EBF2: variants seen among roughly 807,000 people sequenced by gnomAD.
The protein encoded by EBF2 is transcription factor COE2.
Under a neutral mutation model 72.8 loss-of-function variants are expected in EBF2, and 21 were observed. That is an observed-to-expected ratio of 0.29 (90% CI 0.20 to 0.42). EBF2 has a LOEUF of 0.42. EBF2 is among the 10% of genes least tolerant of loss of function. EBF2 has a pLI of 1.00. For synonymous variants in EBF2, 299 were observed against 274.2 expected, an observed-to-expected ratio of 1.09 and a Z score of -0.89; for missense variants, 637 against 731.2, an observed-to-expected ratio of 0.87 and a Z score of 1.49.
intron 6 of EBF2, among the ~76,000 whole-genome samples, chr8:26,031,225 A>T (rs1315245479): frequency 6.6e-6 from 1 of 152,128 alleles, no homozygotes; most frequent in Non-Finnish European, 1.5e-5. Flanking sequence ...AGTGAGCTCA[A>T]TCCACAGGCC....
chr8:25,872,165 C>G (rs1442038101), intron 10 of EBF2, among the ~76,000 whole-genome samples: 1 of 152,148 alleles, frequency 6.6e-6, no homozygotes, highest in Non-Finnish European at 1.5e-5. Context: ...TTGTTAGAAC[C>G]CTGTTCAGCC....
At chr8:25,929,391 ATT>A (rs1356757257) in intron 6 of EBF2, among the ~76,000 whole-genome samples, 1 of 152,154 alleles carries the variant, frequency 6.6e-6, no homozygotes, top group Non-Finnish European at 1.5e-5. Flanking sequence ...TTCTGAAAAC[ATT>A]TTGTCAGGGT....
intron 10 of EBF2, among the ~76,000 whole-genome samples, chr8:25,870,050 C>A (rs1802406623): frequency 6.6e-6 from 1 of 152,082 alleles, no homozygotes; most frequent in Non-Finnish European, 1.5e-5. Context: ...GATGCAAGAG[C>A]ATGATGGGCA....
chr8:25,900,058 G>A (rs536831680), intron 7 of EBF2, among the ~76,000 whole-genome samples: 2 of 152,294 alleles, frequency 1.3e-5, no homozygotes, highest in East Asian at 3.9e-4. Context: ...CCATCAAGAT[G>A]CCCTTCCAGC....
intron 7 of EBF2, among the ~76,000 whole-genome samples, chr8:25,895,923 ATGTGTGTGTGTGTGTGTG>A (rs71868613): frequency 6.7e-6 from 1 of 149,608 alleles, no homozygotes; most frequent in Admixed American, 6.7e-5. Flanking sequence ...CCGTGTGTGT[ATGTGTGTGTGTGTGTGTG>A]TGTGTGTGTG....
At chr8:25,896,018 G>A (rs993034072) in intron 7 of EBF2, among the ~76,000 whole-genome samples, 3 of 151,924 alleles carry the variant, frequency 2.0e-5, no homozygotes, top group Admixed American at 6.6e-5. Flanking sequence ...TAAGCCAAAG[G>A]AATGGCCAGT....
chr8:25,950,868 TA>T (rs1305566347), intron 6 of EBF2, among the ~76,000 whole-genome samples: 1 of 151,864 alleles, frequency 6.6e-6, no homozygotes, highest in East Asian at 1.9e-4. Flanking sequence ...CACAAATTGA[TA>T]TTAAAAAAAA....
intron 6 of EBF2, among the ~76,000 whole-genome samples, chr8:25,999,173 A>T (rs1342458550): frequency 6.6e-6 from 1 of 152,172 alleles, no homozygotes; most frequent in Non-Finnish European, 1.5e-5. Flanking sequence ...GAGAAAGCAA[A>T]ATAAATAAAA....
chr8:25,970,515 C>T (rs1276194818), intron 6 of EBF2, among the ~76,000 whole-genome samples: 1 of 152,026 alleles, frequency 6.6e-6, no homozygotes, highest in Non-Finnish European at 1.5e-5. Flanking sequence ...CCCTCCCCAA[C>T]ACCCCCTCCC....
chr8:26,006,270 A>G (rs1354911915), intron 6 of EBF2, among the ~76,000 whole-genome samples: 1 of 152,204 alleles, frequency 6.6e-6, no homozygotes, highest in Non-Finnish European at 1.5e-5. Context: ...TCCTGCATGC[A>G]CATATGTAGG....
At chr8:25,883,606 G>A (rs531821322) in intron 10 of EBF2, among the ~76,000 whole-genome samples, 1 of 152,160 alleles carries the variant, frequency 6.6e-6, no homozygotes, top group East Asian at 1.9e-4. Flanking sequence ...TTTAAAGTGT[G>A]GCCAAGGGTG....
In EBF2 at chr8:25,861,185, G is replaced by C. The variant is rs750428541; in HGVS notation, c.1206C>G (p.Leu402=). ...GGCTGGGATTCCTGGGGACGCTGTA[G>C]AGAGCTTCAGCAATGTCTGCGGCTC... ...LKRAADIAEA[L]YSVPRNPSQL... Residue 402 remains leucine (L), a synonymous_variant, in exon 13 of 16, where the codon CTC becomes CTG. Transcript: ENST00000520164. The C allele has an allele frequency of 1.9e-6, 3 of 1,613,938 alleles. No homozygotes were observed. Among genetic ancestry groups the C allele is most frequent in the Non-Finnish European group, 2.5e-6 (3 of 1,179,900 alleles).
intron 6 of EBF2, among the ~76,000 whole-genome samples, chr8:25,938,270 A>C (rs931380758): frequency 2.6e-5 from 4 of 152,020 alleles, no homozygotes; most frequent in Non-Finnish European, 5.9e-5. Flanking sequence ...TAATTCCCTA[A>C]AATGTTTCAA....
intron 10 of EBF2, among the ~76,000 whole-genome samples, chr8:25,863,526 C>T (rs1346986685): frequency 6.6e-6 from 1 of 152,060 alleles, no homozygotes; most frequent in Non-Finnish European, 1.5e-5. Context: ...TGCTTTTATT[C>T]TTTCTCCTTC....
At chr8:25,927,754 G>T (rs1408741425) in intron 6 of EBF2, among the ~76,000 whole-genome samples, 1 of 152,108 alleles carries the variant, frequency 6.6e-6, no homozygotes, top group Non-Finnish European at 1.5e-5. Flanking sequence ...AATGTACTCA[G>T]TTGGAACTTA....
At chr8:25,986,346 C>T (rs1181934046) in intron 6 of EBF2, among the ~76,000 whole-genome samples, 1 of 152,142 alleles carries the variant, frequency 6.6e-6, no homozygotes, top group African/African-American at 2.4e-5. Flanking sequence ...TTCTCTCTCA[C>T]TGGGCTGTAG....
rs531196636 is a variant in EBF2, at chr8:26,006,764, T to C, written c.551+26321A>G. 1.8e-4 allele frequency among the ~76,000 whole-genome samples: 28 copies of C among 152,250 alleles called. 1 individual carries two copies. In the South Asian group the frequency reaches 5.8e-3, roughly 32 times the overall value. Reference sequence around the variant, plus strand: ...TCCCTCCTTTTTAAGAGACTGGAAATAGGATTTTAACTTCTGTGTTATTCC... The same window carrying C: ...TCCCTCCTTTTTAAGAGACTGGAAACAGGATTTTAACTTCTGTGTTATTCC... On this transcript the variant is annotated intron_variant, in intron 6 of 15. Transcript: ENST00000520164.
chr8:25,862,498 T>C (rs1249016714), intron 11 of EBF2, among the ~76,000 whole-genome samples: 1 of 152,194 alleles, frequency 6.6e-6, no homozygotes, highest in Non-Finnish European at 1.5e-5. Flanking sequence ...TGTATCTGTT[T>C]AATCAGCTCA....
chr8:25,940,613 G>T lies in EBF2; in HGVS notation c.552-32058C>A, dbSNP rs566678033. On this transcript the variant is annotated intron_variant, in intron 6 of 15. Transcript: ENST00000520164. ...CTTCATTTTACCAAAAAATAAAAAT[G>T]AAAAAATTAAAAAAAAAAATAAAAA... 6.3e-3 allele frequency among the ~76,000 whole-genome samples: 519 copies of T among 82,520 alleles called. 2 individuals are homozygous for T. The highest frequency in any genetic ancestry group is 0.021 in the African/African-American group (489 of 22,756). The allele number at this position is 82,520 out of a possible 152,430, so 54.1% of individuals were successfully genotyped here. A position where few individuals can be genotyped will look rare whatever the true frequency, so the allele number is the denominator to read the frequency against.
Sources: allele counts gnomAD v4.1 joint callset (sites outside exome capture counted in the v4.1 genomes callset), GRCh38; gene constraint gnomAD v4.1.1; transcripts MANE v1.5; gene names NCBI Gene and HGNC (gene_info 2026-07-23, HGNC 2026-07-21).